The following CHD7 variants were observed in gnomAD, a reference collection of about 807,000 sequenced individuals.
CHD7 encodes ATP-dependent chromatin remodeler CHD7.
CHD7 carries 24 observed loss-of-function variants against 307.3 expected under a neutral mutation model. The ratio of observed to expected loss-of-function variants is 0.08; its 90% confidence interval spans 0.06 to 0.11. The LOEUF is 0.11. Ranked by LOEUF, CHD7 falls within the 10% of genes least tolerant of loss-of-function variation. The pLI is 1.00. For synonymous variants in CHD7, 1,363 were observed against 1,349.9 expected, an observed-to-expected ratio of 1.01 and a Z score of -0.21; for missense variants, 3,106 against 3,727.1, an observed-to-expected ratio of 0.83 and a Z score of 4.34.
Position 60,681,023 on chromosome 8 carries a change from TTAAG to T in CHD7, c.-175+1943_-175+1946del, listed in dbSNP as rs56392814. On this transcript the variant is annotated intron_variant, in intron 1 of 37. Coordinates refer to ENST00000423902, the MANE Select transcript of CHD7 (RefSeq NM_017780.4). ...CAGTGGGCGATACCTTTCTAAGGGG[TTAAG>T]TGTTATTTCACCCCAGTTCTCTCTC... Among the ~76,000 whole-genome samples, 842 of 152,136 alleles carry T rather than the reference TTAAG, an allele frequency of 5.5e-3. 7 individuals carry two copies. The highest frequency in any genetic ancestry group is 9.5e-3 in the Non-Finnish European group (647 of 67,970).
intron 8 of CHD7, among the ~76,000 whole-genome samples, chr8:60,817,767 A>G (rs1428663181): frequency 2.0e-5 from 3 of 152,208 alleles, no homozygotes; most frequent in Admixed American, 6.5e-5. Flanking sequence ...GCCCTTCTTA[A>G]TGAAACCAGA....
intron 6 of CHD7, among the ~76,000 whole-genome samples, chr8:60,807,273 A>G (rs768614379): frequency 6.6e-6 from 1 of 152,174 alleles, no homozygotes; most frequent in Admixed American, 6.5e-5. Context: ...CATGACCCTC[A>G]AGGCAGGCTT....
intron 1 of CHD7, among the ~76,000 whole-genome samples, chr8:60,713,460 C>T (rs919711759): frequency 6.6e-6 from 1 of 151,902 alleles, no homozygotes; most frequent in Non-Finnish European, 1.5e-5. Flanking sequence ...AGAAGGGATT[C>T]GTAAGCATGC....
At chr8:60,730,668 G>T (rs541450571) in intron 1 of CHD7, among the ~76,000 whole-genome samples, 2 of 152,264 alleles carry the variant, frequency 1.3e-5, no homozygotes, top group South Asian at 4.1e-4. Context: ...AGACCATCCT[G>T]GCTAACATGG....
chr8:60,830,924 T>G (rs932975563), intron 15 of CHD7, among the ~76,000 whole-genome samples: 2 of 152,178 alleles, frequency 1.3e-5, no homozygotes, highest in Non-Finnish European at 2.9e-5. Flanking sequence ...TGTGTGTATT[T>G]AAATCAGAGA....
intron 23 of CHD7, 58 bp downstream of exon 23, chr8:60,845,467 TA>T (rs1805165181): frequency 6.5e-7 from 1 of 1,539,490 alleles, no homozygotes; most frequent in South Asian, 1.2e-5. Context: ...CTTTAAAAAA[TA>T]CATGCAGCCG....
rs149194133 is a variant in CHD7, at chr8:60,834,641, G to GC, written c.3779-1432_3779-1431insC. Among the ~76,000 whole-genome samples the GC allele has an allele frequency of 9.7e-3, 1,485 of 152,332 alleles. 18 individuals carry two copies. The highest frequency in any genetic ancestry group is 0.014 in the Non-Finnish European group (920 of 68,038). On this transcript the variant is annotated intron_variant, in intron 15 of 37. Transcript: ENST00000423902. ...GCTTTTCATTCACTTGGAAAAAGGA[G>GC]TGAGGGCCAGTCTGCCTTCATAAGA...
intron 5 of CHD7, among the ~76,000 whole-genome samples, chr8:60,800,739 T>C (rs546975678): frequency 2.6e-4 from 39 of 152,366 alleles, no homozygotes; most frequent in Middle Eastern, 3.4e-3. Context: ...GACTGTGATA[T>C]GTAATTTGAC....
At chr8:60,711,708 TATAAC>T (rs1807288710) in intron 1 of CHD7, among the ~76,000 whole-genome samples, 1 of 152,242 alleles carries the variant, frequency 6.6e-6, no homozygotes, top group Admixed American at 6.5e-5. Flanking sequence ...CCATAGAAGT[TATAAC>T]ATGACACAGA....
At chr8:60,838,499 G>A (rs539994820) in intron 19 of CHD7, among the ~76,000 whole-genome samples, 16 of 152,138 alleles carry the variant, frequency 1.1e-4, no homozygotes, top group South Asian at 8.3e-4. Context: ...GAGGCTAATC[G>A]CTCACTTGTG....
chr8:60,755,735 G>A (rs1809860207), intron 2 of CHD7, among the ~76,000 whole-genome samples: 1 of 152,076 alleles, frequency 6.6e-6, no homozygotes, highest in South Asian at 2.1e-4. Context: ...ATACTATAGA[G>A]TGGTTGCAAT....
At chr8:60,860,151 T>C (rs970892827) in intron 34 of CHD7, among the ~76,000 whole-genome samples, 1 of 152,220 alleles carries the variant, frequency 6.6e-6, no homozygotes, top group Non-Finnish European at 1.5e-5. Context: ...AGTGTCCCAC[T>C]ACCAACAAAA....
At chr8:60,686,211 A>C (rs902388491) in intron 1 of CHD7, among the ~76,000 whole-genome samples, 1 of 152,182 alleles carries the variant, frequency 6.6e-6, no homozygotes, top group Non-Finnish European at 1.5e-5. Flanking sequence ...ATAAGCTTAA[A>C]TTCAGGAGAA....
intron 19 of CHD7, among the ~76,000 whole-genome samples, 163 bp downstream of exon 19, chr8:60,838,418 T>C (rs1284880211): frequency 1.3e-5 from 2 of 152,186 alleles, no homozygotes; most frequent in Non-Finnish European, 2.9e-5. Context: ...TATGCTTTGG[T>C]TTATCTTCTG....
chr8:60,846,261 T>C (rs1377097148), intron 23 of CHD7, among the ~76,000 whole-genome samples: 1 of 152,186 alleles, frequency 6.6e-6, no homozygotes, highest in Non-Finnish European at 1.5e-5. Flanking sequence ...GAGGGAAGAC[T>C]GGGGAGTTCA....
intron 2 of CHD7, among the ~76,000 whole-genome samples, chr8:60,762,392 G>A (rs1810259089): frequency 1.3e-5 from 2 of 152,288 alleles, no homozygotes; most frequent in Non-Finnish European, 1.5e-5. Context: ...TTGCTCCTCT[G>A]CACACTTTGG....
rs140404612 is a variant in CHD7, at chr8:60,792,027, C to G, written c.2097-2959C>G. The stretch of plus-strand genomic sequence containing the variant: ...GGATGTTAACTATCTGTGCCATTTT[C>G]TCATTTAAACCTCATAATAAATCTT... On this transcript the variant is annotated intron_variant, in intron 3 of 37. Transcript: ENST00000423902. 4.8e-3 allele frequency among the ~76,000 whole-genome samples: 728 copies of G among 152,290 alleles called. 2 individuals carry two copies. The highest frequency in any genetic ancestry group is 0.017 in the African/African-American group (687 of 41,564).
At chr8:60,821,692 A>G (rs1380613642) in intron 9 of CHD7, 98 bp from the exon 10 acceptor site, 2 of 980,660 alleles carry the variant, frequency 2.0e-6, no homozygotes, top group East Asian at 5.4e-5. Context: ...ATACACACAT[A>G]CATATCTATA....
chr8:60,681,673 T>C (rs1805638738), intron 1 of CHD7, among the ~76,000 whole-genome samples: 3 of 152,226 alleles, frequency 2.0e-5, no homozygotes, highest in Non-Finnish European at 4.4e-5. Context: ...TTTTTGGTAA[T>C]CTGCTGATAA....
Sources: gnomAD v4.1 joint callset for allele counts (sites outside exome capture counted in the v4.1 genomes callset) on GRCh38, gnomAD v4.1.1 for gene constraint, MANE v1.5 for transcripts, NCBI Gene and HGNC (gene_info 2026-07-23, HGNC 2026-07-21) for gene names.